Variants in BPIFB1 observed in about 807,000 individuals in gnomAD.
The protein encoded by BPIFB1 is BPI fold containing family B member 1.
Under a neutral mutation model 55.1 loss-of-function variants are expected in BPIFB1, and 34 were observed. The observed-to-expected ratio is 0.62, with a 90% confidence interval of 0.47 to 0.82. The LOEUF (loss-of-function observed/expected upper bound fraction) is 0.82. Ranked by LOEUF, BPIFB1 falls within the 40% of genes least tolerant of loss-of-function variation. BPIFB1 has a pLI of 0.00. For synonymous variants in BPIFB1, 236 were observed against 245.3 expected (o/e 0.96, Z 0.35); for missense variants, 532 against 593.1 (o/e 0.90, Z 1.07).
intron 11 of BPIFB1, 39 bp from the exon 12 acceptor site, chr20:33,303,919 C>G: frequency 6.2e-7 from 1 of 1,608,492 alleles, no homozygotes; most frequent in South Asian, 1.1e-5. Context: ...CACTCGGATC[C>G]TCTTGAGAAC....
At chr20:33,291,485 AC>A (rs1278566640) in intron 5 of BPIFB1, among the ~76,000 whole-genome samples, 1 of 152,186 alleles carries the variant, frequency 6.6e-6, no homozygotes. Flanking sequence ...CCAAGTGGCC[AC>A]CCTGTGTCTC....
rs1980837643 is a variant in BPIFB1, at chr20:33,301,224, T to C, written c.748-9T>C. On this transcript the variant is annotated splice_polypyrimidine_tract_variant and intron_variant, in intron 8 of 15. Coordinates refer to ENST00000253354, the MANE Select transcript of BPIFB1 (RefSeq NM_033197.3). ...AATTCTTAGCTGACTCCCTGCTCTG[T>C]CTCCTCAGGCCAAGTTGTTGGACTC... 1 of 1,612,086 alleles carries C rather than the reference T, an allele frequency of 6.2e-7. No individual in the cohort carries two copies. Among genetic ancestry groups the C allele is most frequent in the African/African-American group, 1.3e-5 (1 of 74,880 alleles).
intron 6 of BPIFB1, among the ~76,000 whole-genome samples, chr20:33,296,335 C>T (rs13045884): frequency 0.084 from 12,736 of 152,264 alleles, 670 homozygotes; most frequent in Middle Eastern, 0.12. Context: ...TCTAGATTGG[C>T]AATGCAGCCA....
At chr20:33,306,779 C>A (rs919824612) in intron 14 of BPIFB1, 132 bp from the exon 15 acceptor site, 4 of 749,892 alleles carry the variant, frequency 5.3e-6, no homozygotes, top group Non-Finnish European at 7.2e-6. Context: ...AGAGAACAGG[C>A]GAGCAGAGGC....
chr20:33,297,643 G>A, intron 7 of BPIFB1, 55 bp downstream of exon 7: 1 of 1,590,504 alleles, frequency 6.3e-7, no homozygotes, highest in Non-Finnish European at 8.6e-7. Flanking sequence ...CTGGCCTCCA[G>A]ACCCTGACTC....
chr20:33,299,248 C>CCT, intron 7 of BPIFB1: 1 of 446,258 alleles, frequency 2.2e-6, no homozygotes, highest in South Asian at 1.6e-5. Context: ...GGTCCCTGGC[C>CCT]CTCCAGCACT....
intron 6 of BPIFB1, among the ~76,000 whole-genome samples, chr20:33,292,324 C>T (rs1980501225): frequency 6.6e-6 from 1 of 152,064 alleles, no homozygotes; most frequent in Admixed American, 6.6e-5. Flanking sequence ...CCCTTCAGGG[C>T]CAATTTTAGG....
At chr20:33,295,400 G>A (rs1600665181) in intron 6 of BPIFB1, among the ~76,000 whole-genome samples, 1 of 152,056 alleles carries the variant, frequency 6.6e-6, no homozygotes, top group African/African-American at 2.4e-5. Context: ...GAGATCAGGA[G>A]CTTGAGACCA....
At chr20:33,285,876 A>G (rs1980249892) in intron 1 of BPIFB1, among the ~76,000 whole-genome samples, 157 bp from the exon 2 acceptor site, 2 of 152,220 alleles carry the variant, frequency 1.3e-5, no homozygotes, top group Admixed American at 1.3e-4. Context: ...AAACTGAGGC[A>G]CAAAGAGGTT....
At chr20:33,298,543 C>T (rs1381007944) in intron 7 of BPIFB1, among the ~76,000 whole-genome samples, 9 of 145,106 alleles carry the variant, frequency 6.2e-5, no homozygotes, top group Admixed American at 2.0e-4. Context: ...CACGCCCTCC[C>T]GCTGGGTGTT....
chr20:33,293,609 G>A (rs965336403), intron 6 of BPIFB1, among the ~76,000 whole-genome samples: 11 of 152,230 alleles, frequency 7.2e-5, no homozygotes, highest in South Asian at 2.1e-4. Flanking sequence ...AGGTCGAGGC[G>A]GGAGGATCAC....
rs6057813 is a variant in BPIFB1 at position 33,285,122 on chromosome 20, C to T, written c.-41-911C>T. ...AGGGGAAGCTTTATAGGGAAAGTGACAAATCTTGGCAGGGTTTTAAAGGAT... is the reference window on the plus strand; with the variant it reads ...AGGGGAAGCTTTATAGGGAAAGTGATAAATCTTGGCAGGGTTTTAAAGGAT... On this transcript the variant is annotated intron_variant, in intron 1 of 15. Transcript: ENST00000253354. Among the ~76,000 whole-genome samples, 12 of 152,084 alleles carry T rather than the reference C, an allele frequency of 7.9e-5. 1 individual carries two copies. The highest frequency in any genetic ancestry group is 6.8e-3 in the Middle Eastern group (2 of 292).
intron 1 of BPIFB1, among the ~76,000 whole-genome samples, chr20:33,285,063 T>C (rs1292076967): frequency 6.6e-6 from 1 of 152,134 alleles, no homozygotes; most frequent in Non-Finnish European, 1.5e-5. Flanking sequence ...ACAACATTTC[T>C]CCAAGTGTGG....
rs374638532 is a variant in BPIFB1, at chr20:33,306,915, A to G, written c.1323A>G (p.Lys441=). ...TGACCACATTTGTTATTTCAGGCAAATTAAGATCTGGGGTCCCAGTGTCAT... is the reference window on the plus strand; with the variant it reads ...TGACCACATTTGTTATTTCAGGCAAGTTAAGATCTGGGGTCCCAGTGTCAT... The part of the protein sequence containing the change: ...HSILLPNQNG[K]LRSGVPVSLV... The change falls in exon 15 of 16, where the codon AAA becomes AAG. Residue 441 remains lysine, a synonymous_variant. Transcript: ENST00000253354. 163 of 1,613,860 alleles carry G rather than the reference A, an allele frequency of 1.0e-4. 1 individual carries two copies. Among genetic ancestry groups the G allele is most frequent in the Middle Eastern group, 1.6e-4 (1 of 6,084 alleles).
chr20:33,288,465 C>T (rs188637602), intron 2 of BPIFB1, among the ~76,000 whole-genome samples: 10 of 152,156 alleles, frequency 6.6e-5, no homozygotes, highest in East Asian at 1.9e-4. Flanking sequence ...GTGCAGTGGC[C>T]GACACTCCCC....
At chr20:33,289,646 TTA>T (rs1980390924) in intron 3 of BPIFB1, among the ~76,000 whole-genome samples, 1 of 152,072 alleles carries the variant, frequency 6.6e-6, no homozygotes, top group African/African-American at 2.4e-5. Context: ...ACAGAGGGTC[TTA>T]TGAGTCAGCT....
chr20:33,291,206 G>C lies in BPIFB1; in HGVS notation c.515+100G>C, dbSNP rs962247293. 4.2e-6 allele frequency: 6 copies of C among 1,430,092 alleles called. No individual in the cohort carries two copies. The Admixed American group carries it at 1.0e-4, about 25-fold the overall frequency. The allele number at this position is 1,430,092 out of a possible 1,614,324, so 88.6% of individuals were successfully genotyped here. A position where few individuals can be genotyped will look rare whatever the true frequency, so the allele number is the denominator to read the frequency against. Reference sequence around the variant, plus strand: ...TACAAATGGAGAACGCTGAGGCCTAGAGAAAGAAAGGGACTTATCCCCTCC... The same window carrying C: ...TACAAATGGAGAACGCTGAGGCCTACAGAAAGAAAGGGACTTATCCCCTCC... On this transcript the variant is annotated intron_variant, in intron 5 of 15. Transcript: ENST00000253354.
intron 7 of BPIFB1, chr20:33,298,952 G>T: frequency 1.1e-5 from 4 of 367,616 alleles, no homozygotes; most frequent in South Asian, 3.1e-5. Flanking sequence ...AGCCATTTTC[G>T]GGGACCTTAT....
Position 33,286,018 on chromosome 20 carries a change from C to G in BPIFB1, c.-41-15C>G. On this transcript the variant is annotated splice_polypyrimidine_tract_variant and intron_variant, in intron 1 of 15. Transcript: ENST00000253354. ...CTTGGCCCCTCTGCCTCAGGTCCCT[C>G]TGTGCTCACCCCAGGTCTGGCATCC... is the stretch of plus-strand genomic sequence containing the variant. The G allele has an allele frequency of 1.3e-6, 2 of 1,562,298 alleles. No individual in the cohort carries two copies. Among genetic ancestry groups the G allele is most frequent in the South Asian group, 1.1e-5 (1 of 89,804 alleles).
Sources: gnomAD v4.1 joint callset for allele counts (sites outside exome capture counted in the v4.1 genomes callset) on GRCh38, gnomAD v4.1.1 for gene constraint, MANE v1.5 for transcripts, NCBI Gene and HGNC (gene_info 2026-07-23, HGNC 2026-07-21) for gene names.